Variants in MYH10 observed in about 807,000 individuals in gnomAD.
MYH10 encodes myosin heavy chain 10, also known as myosin-10.
MYH10 carries 55 observed loss-of-function variants against 257.8 expected under a neutral mutation model. The ratio of observed to expected loss-of-function variants is 0.21; its 90% CI spans 0.17 to 0.27. The LOEUF (loss-of-function observed/expected upper bound fraction) is 0.27. Among genes scored for constraint, MYH10 ranks in the 10% least tolerant of loss-of-function variants. The pLI is 1.00. For missense variants in MYH10, 1,631 were observed against 2,500.6 expected, an observed-to-expected ratio of 0.65 and a Z score of 7.42; for synonymous variants, 854 against 921.7, an observed-to-expected ratio of 0.93 and a Z score of 1.33.
chr17:8,557,082 T>G (rs2082829685), intron 7 of MYH10, among the ~76,000 whole-genome samples: 1 of 152,302 alleles, frequency 6.6e-6, no homozygotes, highest in South Asian at 2.1e-4. Context: ...AAAGTGTTAC[T>G]TTTTCCAGTG....
chr17:8,576,632 A>G lies in MYH10; in HGVS notation c.663+11T>C. 14 of 1,550,366 alleles carry G rather than the reference A, an allele frequency of 9.0e-6. No individual in the cohort carries two copies. Among genetic ancestry groups the G allele is most frequent in the Admixed American group, 2.0e-5 (1 of 51,014 alleles). ...CACTCAAGACTAAGAAGCATAAAGA[A>G]GAGCACTTGCCTGGTGTTTCACTGG... On this transcript the variant is annotated intron_variant, in intron 6 of 42. Coordinates refer to ENST00000360416, the MANE Select transcript of MYH10 (RefSeq NM_001256012.3).
chr17:8,595,362 C>T (rs1323199132), intron 3 of MYH10, among the ~76,000 whole-genome samples: 1 of 149,124 alleles, frequency 6.7e-6, no homozygotes, highest in Non-Finnish European at 1.5e-5. Context: ...ACCCTCTTTT[C>T]GTTTTCCTCA....
intron 2 of MYH10, among the ~76,000 whole-genome samples, chr17:8,610,788 C>G (rs898407143): frequency 3.3e-5 from 5 of 152,208 alleles, no homozygotes; most frequent in Admixed American, 3.3e-4. Flanking sequence ...CCTCTAGAAC[C>G]ATAAGCCAAA....
Position 8,477,994 on chromosome 17 carries a change from C to T in MYH10, c.5706+344G>A, listed in dbSNP as rs1188285835. ...TGCCCACCCTACACCCAGCCAGTAT[C>T]TCATGACTGCCAGCAATATCCAGAA... On this transcript the variant is annotated intron_variant, in intron 41 of 42. Coordinates refer to ENST00000360416, the MANE Select transcript of MYH10 (RefSeq NM_001256012.3). The surrounding 1 kb of genome is among the most constrained non-coding windows in gnomAD (Gnocchi z 4.2). 1.3e-5 allele frequency among the ~76,000 whole-genome samples: 2 copies of T among 152,204 alleles called. No homozygotes were observed. Among genetic ancestry groups the T allele is most frequent in the Admixed American group, 1.3e-4 (2 of 15,282 alleles).
Position 8,504,711 on chromosome 17 carries a change from T to C in MYH10, c.3582A>G (p.Ala1194=). 1 of 1,614,060 alleles carries C rather than the reference T, an allele frequency of 6.2e-7. No individual in the cohort carries two copies. The highest frequency in any genetic ancestry group is 8.5e-7 in the Non-Finnish European group (1 of 1,180,028). Residue 1194 remains alanine (A), a synonymous_variant, in exon 28 of 43, where the codon GCA becomes GCG. Transcript: ENST00000360416. The surrounding 1 kb of genome is among the most constrained non-coding windows in gnomAD (Gnocchi z 5.6). The part of the protein sequence containing the change: ...TELEDTLDTT[A]AQQELRTKRE... ...ACACTCACCGTAGTTCCTGCTGGGCTGCCGTGGTGTCCAGCGTGTCCTCCA... is the reference window on the plus strand; with the variant it reads ...ACACTCACCGTAGTTCCTGCTGGGCCGCCGTGGTGTCCAGCGTGTCCTCCA...
intron 1 of MYH10, among the ~76,000 whole-genome samples, chr17:8,623,825 C>G (rs928653138): frequency 6.6e-6 from 1 of 152,200 alleles, no homozygotes; most frequent in Non-Finnish European, 1.5e-5. Context: ...TCTAGCTTTT[C>G]TATGGCCCCA....
chr17:8,519,939 G>GT (rs1487009712), intron 19 of MYH10, among the ~76,000 whole-genome samples: 4 of 152,048 alleles, frequency 2.6e-5, no homozygotes, highest in African/African-American at 2.4e-5. Context: ...TTTCCCTTTT[G>GT]TTTTTTCTTA....
Position 8,480,277 on chromosome 17 carries a change from G to A in MYH10, c.5430C>T (p.Ala1810=), listed in dbSNP as rs752884128. The A allele has an allele frequency of 9.9e-6, 16 of 1,613,978 alleles. No homozygotes were observed. Among genetic ancestry groups the A allele is most frequent in the Middle Eastern group, 1.6e-4 (1 of 6,084 alleles). Residue 1810 remains alanine (A), a synonymous_variant, in exon 40 of 43, where the codon GCC becomes GCT. Transcript: ENST00000360416. The stretch of plus-strand genomic sequence containing the variant: ...GGCGTGCATTGTCACTCTTCTGGGC[G>A]GCGCTGCGCTCGGCTGCTAGCTCGG... ...LNAELAAERS[A]AQKSDNARQQ... is the part of the protein sequence containing the mutation.
rs2082510195 is a variant in MYH10 at position 8,548,324 on chromosome 17, G to A, written c.1148C>T (p.Pro383Leu). Residue 383 changes from proline (P) to leucine (L), a missense_variant, in exon 11 of 43, where the codon CCA becomes CTA. By Grantham distance (98) the Pro-to-Leu change is moderately conservative (BLOSUM62 -3). Around this residue, in one of 11 missense-constraint regions of MYH10, gnomAD observed 360 missense variants for 581.9 expected, o/e 0.62. Transcript: ENST00000360416. Reference protein sequence around the residue: ...KERNTDQASMPENTVAQKLCH... With the variant: ...KERNTDQASMLENTVAQKLCH... ...ATTCATCAGTTTACCTGTATTTTCT[G>A]GCATGGAAGCTTGATCAGTATTTCT... 1.2e-6 allele frequency: 2 copies of A among 1,608,892 alleles called. No individual in the cohort carries two copies. The highest frequency in any genetic ancestry group is 1.7e-6 in the Non-Finnish European group (2 of 1,176,346).
intron 24 of MYH10, among the ~76,000 whole-genome samples, chr17:8,512,201 C>A (rs1020259966): frequency 2.0e-5 from 3 of 152,188 alleles, no homozygotes; most frequent in Non-Finnish European, 4.4e-5. Context: ...CTGTGAATCT[C>A]TTTGCAAACT....
chr17:8,574,969 G>A (rs1443072645), intron 6 of MYH10, among the ~76,000 whole-genome samples: 1 of 152,212 alleles, frequency 6.6e-6, no homozygotes, highest in Non-Finnish European at 1.5e-5. Flanking sequence ...AATTGAGAAC[G>A]AGTATTCTTC....
At chr17:8,560,346 A>T (rs1434271114) in intron 7 of MYH10, 1 of 239,152 alleles carries the variant, frequency 4.2e-6, no homozygotes, top group African/African-American at 2.2e-5. Flanking sequence ...TATTTACCGT[A>T]TATTTAGTGA....
At chr17:8,547,416 A>C (rs1442572775) in intron 11 of MYH10, among the ~76,000 whole-genome samples, 1 of 152,152 alleles carries the variant, frequency 6.6e-6, no homozygotes, top group African/African-American at 2.4e-5. Flanking sequence ...ATGGTCCTGG[A>C]AATCAACAGC....
intron 30 of MYH10, 30 bp downstream of exon 30, chr17:8,499,240 A>G (rs1210868524): frequency 6.2e-7 from 1 of 1,600,216 alleles, no homozygotes; most frequent in African/African-American, 1.3e-5. Flanking sequence ...CTACAGTGGG[A>G]CGTGTGTAGA....
intron 6 of MYH10, among the ~76,000 whole-genome samples, chr17:8,571,146 C>T (rs955813978): frequency 3.3e-5 from 5 of 151,014 alleles, no homozygotes; most frequent in Non-Finnish European, 5.9e-5. Flanking sequence ...CACTTCAAAA[C>T]CCTTACCAGA....
Position 8,489,802 on chromosome 17 carries a change from TTC to T in MYH10, c.4884+536_4884+537del, listed in dbSNP as rs1444394304. ...GAAGGGACTGGCAAAATACCCACAATTCATTTTTAAAGTAAAGTTTTAGACTA... is the reference window on the plus strand; with the variant it reads ...GAAGGGACTGGCAAAATACCCACAATATTTTTAAAGTAAAGTTTTAGACTA... On this transcript the variant is annotated intron_variant, in intron 35 of 42. Coordinates refer to ENST00000360416, the MANE Select transcript of MYH10 (RefSeq NM_001256012.3). 6.8e-4 allele frequency among the ~76,000 whole-genome samples: 104 copies of T among 151,830 alleles called. No homozygotes were observed. The East Asian group carries it at 0.017, about 25-fold the overall frequency.
chr17:8,602,177 A>T (rs780989337), intron 3 of MYH10, among the ~76,000 whole-genome samples: 9 of 152,070 alleles, frequency 5.9e-5, no homozygotes, highest in Non-Finnish European at 1.0e-4. Flanking sequence ...ACGGGGTTTC[A>T]CCGTGTTAGC....
chr17:8,518,852 A>G, intron 20 of MYH10, 29 bp downstream of exon 20: 9 of 1,602,012 alleles, frequency 5.6e-6, no homozygotes, highest in Non-Finnish European at 7.7e-6. Flanking sequence ...TTAAATCTAC[A>G]AGCCAGAAAA....
At chr17:8,591,029 C>T (rs546460966) in intron 3 of MYH10, among the ~76,000 whole-genome samples, 1 of 151,806 alleles carries the variant, frequency 6.6e-6, no homozygotes, top group Non-Finnish European at 1.5e-5. Flanking sequence ...CCCGCCACCA[C>T]GCCCGGCTAA....
Sources: allele counts gnomAD v4.1 joint callset (sites outside exome capture counted in the v4.1 genomes callset), GRCh38; gene constraint gnomAD v4.1.1; regional missense constraint gnomAD v4.1.1; non-coding constraint Gnocchi (gnomAD v3.1); transcripts MANE v1.5; gene names NCBI Gene and HGNC (gene_info 2026-07-23, HGNC 2026-07-21).